CDKN2B-AS1: variants seen among roughly 807,000 people sequenced by gnomAD.
CDKN2B-AS1 encodes the protein CDKN2B antisense RNA 1 (non-protein coding).
At chr9:22,010,426 G>C (rs1400897978) in intron 1 of CDKN2B-AS1, among the ~76,000 whole-genome samples, 1 of 152,202 alleles carries the variant, frequency 6.6e-6, no homozygotes, top group East Asian at 1.9e-4. Flanking sequence ...TTTGTTTACA[G>C]AATCATTTTG....
At chr9:22,003,131 T>C in intron 1 of CDKN2B-AS1, 1 of 216,062 alleles carries the variant, frequency 4.6e-6, no homozygotes, top group East Asian at 6.9e-5. Flanking sequence ...TTTAACAGTA[T>C]ATATTAGGCT....
In CDKN2B-AS1 at chr9:21,995,602, G is replaced by A. The variant is rs1820628878; in HGVS notation, n.29+441G>A. Reference sequence around the variant, plus strand: ...GGACTCTCTCCCTTCCTCCTTTCCAGCTGGGAGACAGGAAAAGCGGTCCTG... The same window carrying A: ...GGACTCTCTCCCTTCCTCCTTTCCAACTGGGAGACAGGAAAAGCGGTCCTG... On this transcript the variant is annotated intron_variant and non_coding_transcript_variant, in intron 1 of 4. Coordinates refer to ENST00000650946, the Ensembl canonical transcript of CDKN2B-AS1. The surrounding 1 kb of genome is among the most constrained non-coding windows in gnomAD (Gnocchi z 5.7). 1 of 152,580 alleles carries A rather than the reference G, an allele frequency of 6.6e-6. No homozygotes were observed. Among genetic ancestry groups the A allele is most frequent in the South Asian group, 2.1e-4 (1 of 4,832 alleles). The allele number at this position is 152,580 out of a possible 1,614,324, so 9.5% of individuals were successfully genotyped here.
chr9:22,005,246 A>T lies in CDKN2B-AS1; in HGVS notation n.29+10085A>T, dbSNP rs1821114646. ...ACCCGCGGGAATCTCTCCTCAGTGT[A>T]GTAAGAGCAAAGGCCAGCATCCTGT... On this transcript the variant is annotated intron_variant and non_coding_transcript_variant, in intron 1 of 4. Coordinates refer to ENST00000650946, the Ensembl canonical transcript of CDKN2B-AS1. The surrounding 1 kb of genome is among the most constrained non-coding windows in gnomAD (Gnocchi z 4.9). The T allele has an allele frequency of 4.3e-6, 1 of 234,454 alleles. No individual in the cohort carries two copies. The highest frequency in any genetic ancestry group is 6.0e-5 in the East Asian group (1 of 16,616). The allele number at this position is 234,454 out of a possible 1,614,324, so 14.5% of individuals were successfully genotyped here. A position where few individuals can be genotyped will look rare whatever the true frequency, so the allele number is the denominator to read the frequency against.
intron 4 of CDKN2B-AS1, among the ~76,000 whole-genome samples, chr9:22,124,184 G>T (rs1457384480): frequency 6.6e-6 from 1 of 152,072 alleles, no homozygotes; most frequent in Admixed American, 6.5e-5. Context: ...CACTTTCTGA[G>T]GTCGCAACTA....
At chr9:22,103,418 TG>T (rs962160223) in intron 4 of CDKN2B-AS1, among the ~76,000 whole-genome samples, 1 of 152,084 alleles carries the variant, frequency 6.6e-6, no homozygotes, top group Non-Finnish European at 1.5e-5. Context: ...GGGCTACAGC[TG>T]GGGGTTGCCA....
At position 21,996,330 on chromosome 9, in the gene CDKN2B-AS1, C is replaced by A. The variant is rs1170650287; in HGVS notation, n.29+1169C>A. Among the ~76,000 whole-genome samples the A allele has an allele frequency of 1.3e-5, 2 of 152,144 alleles. No homozygotes were observed. Among genetic ancestry groups the A allele is most frequent in the East Asian group, 1.9e-4 (1 of 5,180 alleles). On this transcript the variant is annotated intron_variant and non_coding_transcript_variant, in intron 1 of 4. Transcript: ENST00000650946. The surrounding 1 kb of genome is among the most constrained non-coding windows in gnomAD (Gnocchi z 5.4). The stretch of plus-strand genomic sequence containing the variant: ...TATCTAGATATTTACAAATGCACCT[C>A]CCCGGTAGGTAGATTTCACTCAGAA...
Position 22,074,849 on chromosome 9 carries a change from G to A in CDKN2B-AS1, n.438+18462G>A, listed in dbSNP as rs566477349. On this transcript the variant is annotated intron_variant and non_coding_transcript_variant, in intron 4 of 4. Transcript: ENST00000650946. ...CCAGACAGACCAGCTTGCCATGAAG[G>A]CTTTCATAGGCTCTGGTCCACACTT... Among the ~76,000 whole-genome samples the A allele has an allele frequency of 3.3e-5, 5 of 152,288 alleles. No homozygotes were observed. In the South Asian group the frequency reaches 1.0e-3, roughly 32 times the overall value.
intron 4 of CDKN2B-AS1, among the ~76,000 whole-genome samples, chr9:22,110,572 A>G (rs1238371439): frequency 4.6e-5 from 7 of 152,158 alleles, no homozygotes; most frequent in Non-Finnish European, 8.8e-5. Context: ...CACTGTCACT[A>G]AACATGTAGG....
chr9:22,079,765 C>T (rs1440290863), intron 4 of CDKN2B-AS1, among the ~76,000 whole-genome samples: 1 of 152,142 alleles, frequency 6.6e-6, no homozygotes, highest in Non-Finnish European at 1.5e-5. Flanking sequence ...TCGACATTCA[C>T]CTCAGATGCC....
intron 1 of CDKN2B-AS1, among the ~76,000 whole-genome samples, chr9:22,010,761 T>A (rs1821457454): frequency 6.6e-6 from 1 of 152,226 alleles, no homozygotes; most frequent in Non-Finnish European, 1.5e-5. Flanking sequence ...AGTTTCTTAA[T>A]TTCTCTACCT....
chr9:22,008,871 T>A (rs1821337598), intron 1 of CDKN2B-AS1: 1 of 1,612,184 alleles, frequency 6.2e-7, no homozygotes, highest in Non-Finnish European at 8.5e-7. Flanking sequence ...TCGCACCTTC[T>A]CCACTAGTCC....
At chr9:22,008,636 T>G in intron 1 of CDKN2B-AS1, 1 of 1,590,132 alleles carries the variant, frequency 6.3e-7, no homozygotes, top group Non-Finnish European at 8.5e-7. Context: ...TTTAGGATTT[T>G]TGCTGGGTAA....
intron 4 of CDKN2B-AS1, among the ~76,000 whole-genome samples, chr9:22,092,935 T>G (rs1825144003): frequency 6.6e-6 from 1 of 152,226 alleles, no homozygotes. Context: ...ATTTTAGATC[T>G]TTGCTCCTTT....
In CDKN2B-AS1 at chr9:21,995,670, A is replaced by G; in HGVS notation, n.29+509A>G. Reference sequence around the variant, plus strand: ...CAGGGCAAGGAAAGGAAGGAGCGGCAGAAAGGAGGGGTGAGTCGAGGACAC... The same window carrying G: ...CAGGGCAAGGAAAGGAAGGAGCGGCGGAAAGGAGGGGTGAGTCGAGGACAC... On this transcript the variant is annotated intron_variant and non_coding_transcript_variant, in intron 1 of 4. Coordinates refer to ENST00000650946, the Ensembl canonical transcript of CDKN2B-AS1. The surrounding 1 kb of genome is among the most constrained non-coding windows in gnomAD (Gnocchi z 5.7). 6.5e-6 allele frequency: 1 copy of G among 152,950 alleles called. No individual in the cohort carries two copies. The highest frequency in any genetic ancestry group is 1.5e-5 in the Non-Finnish European group (1 of 68,492). The allele number at this position is 152,950 out of a possible 1,614,324, so 9.5% of individuals were successfully genotyped here.
intron 1 of CDKN2B-AS1, among the ~76,000 whole-genome samples, chr9:22,008,207 A>G (rs1195482716): frequency 2.0e-5 from 3 of 152,238 alleles, no homozygotes; most frequent in Non-Finnish European, 4.4e-5. Flanking sequence ...ACTGAGTATG[A>G]TAATTAAAGA....
At chr9:22,093,927 A>G (rs1265810873) in intron 4 of CDKN2B-AS1, among the ~76,000 whole-genome samples, 2 of 144,540 alleles carry the variant, frequency 1.4e-5, no homozygotes, top group Non-Finnish European at 2.9e-5. Flanking sequence ...GGTCTTTACA[A>G]TTTGGCATGT....
chr9:22,077,189 A>T (rs939421601), intron 4 of CDKN2B-AS1, among the ~76,000 whole-genome samples: 1 of 152,124 alleles, frequency 6.6e-6, no homozygotes, highest in South Asian at 2.1e-4. Flanking sequence ...AAATAATGCA[A>T]TAGTTTTCTT....
chr9:22,083,148 T>A (rs939365111), intron 4 of CDKN2B-AS1, among the ~76,000 whole-genome samples: 1 of 152,228 alleles, frequency 6.6e-6, no homozygotes, highest in African/African-American at 2.4e-5. Context: ...CTAAATCACA[T>A]TTAATAGATT....
At chr9:22,053,425 G>A (rs1823435798) in intron 3 of CDKN2B-AS1, among the ~76,000 whole-genome samples, 1 of 152,190 alleles carries the variant, frequency 6.6e-6, no homozygotes, top group Non-Finnish European at 1.5e-5. Context: ...AAACATGTTT[G>A]CCATAGGCCC....
Sources: allele counts gnomAD v4.1 joint callset (sites outside exome capture counted in the v4.1 genomes callset), GRCh38; gene constraint gnomAD v4.1.1; non-coding constraint Gnocchi (gnomAD v3.1); transcripts MANE v1.5; gene names NCBI Gene and HGNC (gene_info 2026-07-23, HGNC 2026-07-21).